PTPRZ1: variants seen among roughly 807,000 people sequenced by gnomAD.
PTPRZ1 encodes receptor-type tyrosine-protein phosphatase zeta.
PTPRZ1 carries 82 observed loss-of-function variants against 214.1 expected under a neutral mutation model. The observed-to-expected ratio is 0.38, with a 90% CI of 0.32 to 0.46. The LOEUF (loss-of-function observed/expected upper bound fraction) is 0.46, where lower values mean the gene tolerates loss of function less well. Among genes scored for constraint, PTPRZ1 ranks in the 20% least tolerant of loss-of-function variants. The pLI is 1.00. For missense variants in PTPRZ1, 2,603 were observed against 2,748.7 expected (o/e 0.95, Z 1.19); for synonymous variants, 945 against 987.9 (o/e 0.96, Z 0.81).
intron 1 of PTPRZ1, among the ~76,000 whole-genome samples, chr7:121,878,945 T>A (rs2116149928): frequency 6.6e-6 from 1 of 152,336 alleles, no homozygotes; most frequent in South Asian, 2.1e-4. Context: ...GGTCTTTCCC[T>A]CTTTTGATTA....
At chr7:121,928,267 G>T in intron 2 of PTPRZ1, 46 bp downstream of exon 2, 1 of 1,395,484 alleles carries the variant, frequency 7.2e-7, no homozygotes, top group Non-Finnish European at 9.9e-7. Flanking sequence ...AACTTTTATT[G>T]TTTTGTATCT....
intron 1 of PTPRZ1, among the ~76,000 whole-genome samples, chr7:121,912,943 C>G (rs947222200): frequency 1.3e-5 from 2 of 151,980 alleles, no homozygotes; most frequent in Admixed American, 1.3e-4. Flanking sequence ...GAACATTCCT[C>G]TAAGATTATA....
intron 1 of PTPRZ1, among the ~76,000 whole-genome samples, chr7:121,889,952 A>G (rs1254498510): frequency 6.6e-6 from 1 of 152,146 alleles, no homozygotes; most frequent in Non-Finnish European, 1.5e-5. Flanking sequence ...CACTAGCCAC[A>G]TACATTGTAC....
chr7:121,891,481 T>TA (rs1794616741), intron 1 of PTPRZ1, among the ~76,000 whole-genome samples: 1 of 126,696 alleles, frequency 7.9e-6, no homozygotes, highest in African/African-American at 3.1e-5. Flanking sequence ...TTTTTTTTTT[T>TA]AGTTTGATTT....
At chr7:122,000,963 C>T (rs1278425730) in intron 10 of PTPRZ1, among the ~76,000 whole-genome samples, 4 of 151,938 alleles carry the variant, frequency 2.6e-5, no homozygotes, top group South Asian at 2.1e-4. Context: ...GGATCACAGG[C>T]GTGAGCCACC....
At chr7:121,924,900 A>C (rs964583569) in intron 1 of PTPRZ1, among the ~76,000 whole-genome samples, 10 of 152,194 alleles carry the variant, frequency 6.6e-5, no homozygotes, top group African/African-American at 2.2e-4. Flanking sequence ...AATTCTTTAT[A>C]ATTTATTTGT....
At chr7:121,976,628 C>T (rs1346440594) in intron 5 of PTPRZ1, among the ~76,000 whole-genome samples, 157 bp from the exon 6 acceptor site, 1 of 151,848 alleles carries the variant, frequency 6.6e-6, no homozygotes, top group Non-Finnish European at 1.5e-5. Flanking sequence ...TTTTTGTTTG[C>T]TTTATTTGTT....
chr7:121,989,537 G>A lies in PTPRZ1; in HGVS notation c.928+5420G>A, dbSNP rs558730976. 2.4e-4 allele frequency among the ~76,000 whole-genome samples: 37 copies of A among 152,196 alleles called. 1 individual carries two copies. The South Asian group carries it at 7.7e-3, about 32-fold the overall frequency. Reference sequence around the variant, plus strand: ...TTACTGGCATGCGCCACCACACCCAGCTAATTTTGTATTTTTAGTAGAGAC... The same window carrying A: ...TTACTGGCATGCGCCACCACACCCAACTAATTTTGTATTTTTAGTAGAGAC... On this transcript the variant is annotated intron_variant, in intron 8 of 29. Transcript: ENST00000393386.
At chr7:121,977,217 C>A (rs1253567893) in intron 6 of PTPRZ1, among the ~76,000 whole-genome samples, 1 of 152,060 alleles carries the variant, frequency 6.6e-6, no homozygotes, top group South Asian at 2.1e-4. Flanking sequence ...TTATAAATAT[C>A]ATATTTTAAA....
At chr7:121,907,485 C>A (rs908127812) in intron 1 of PTPRZ1, among the ~76,000 whole-genome samples, 3 of 151,874 alleles carry the variant, frequency 2.0e-5, no homozygotes, top group Admixed American at 2.0e-4. Flanking sequence ...TTATTATTTG[C>A]TGATAGTCCA....
At chr7:121,891,558 G>T (rs545742453) in intron 1 of PTPRZ1, among the ~76,000 whole-genome samples, 2 of 135,110 alleles carry the variant, frequency 1.5e-5, no homozygotes, top group Admixed American at 1.6e-4. Flanking sequence ...TATATAACTT[G>T]CATTGTCATT....
intron 8 of PTPRZ1, among the ~76,000 whole-genome samples, chr7:121,994,289 C>CTTTTTTTTTTTTTTTT (rs35332072): frequency 1.3e-5 from 1 of 75,346 alleles, no homozygotes; most frequent in African/African-American, 5.5e-5. Flanking sequence ...TAATGCATTT[C>CTTTTTTTTTTTTTTTT]TTTTTTTTTT....
At chr7:121,979,754 TGC>T (rs1391860576) in intron 6 of PTPRZ1, among the ~76,000 whole-genome samples, 1 of 152,242 alleles carries the variant, frequency 6.6e-6, no homozygotes, top group African/African-American at 2.4e-5. Context: ...GGCTCTGCTG[TGC>T]TTCTCTCTTG....
intron 1 of PTPRZ1, among the ~76,000 whole-genome samples, chr7:121,913,912 G>GA (rs1289013332): frequency 9.2e-5 from 14 of 152,040 alleles, no homozygotes; most frequent in Admixed American, 7.2e-4. Context: ...TAATTCCCGG[G>GA]AAAAAAACTG....
At chr7:122,041,116 A>C (rs1173405351) in intron 21 of PTPRZ1, 137 bp downstream of exon 21, 3 of 771,012 alleles carry the variant, frequency 3.9e-6, no homozygotes, top group South Asian at 4.1e-5. Context: ...TCATTTTCAT[A>C]AGTATTGATC....
intron 8 of PTPRZ1, among the ~76,000 whole-genome samples, chr7:121,990,512 CTTTTTTTTTTTTT>C (rs758696565): frequency 1.1e-4 from 8 of 73,468 alleles, no homozygotes; most frequent in Admixed American, 1.5e-4. Context: ...TGAAAACTGT[CTTTTTTTTTTTTT>C]TTTTTTTTTT....
chr7:121,995,525 T>C (rs978281378), intron 8 of PTPRZ1, among the ~76,000 whole-genome samples: 6 of 152,228 alleles, frequency 3.9e-5, no homozygotes, highest in South Asian at 2.1e-4. Flanking sequence ...GGGCACTCTC[T>C]GATGGGACTA....
chr7:121,908,416 TTC>T (rs1584626419), intron 1 of PTPRZ1: 1 of 381,730 alleles, frequency 2.6e-6, no homozygotes, highest in East Asian at 7.9e-5. Flanking sequence ...ATCCTATTTT[TTC>T]TCTTTCTTTT....
At chr7:122,051,838 G>A (rs781088763) in intron 24 of PTPRZ1, 28 bp from the exon 25 acceptor site, 8 of 1,593,660 alleles carry the variant, frequency 5.0e-6, no homozygotes, top group Non-Finnish European at 6.9e-6. Flanking sequence ...GTTTTGTTTT[G>A]TTTTACAATG....
Sources: gnomAD v4.1 joint callset for allele counts (sites outside exome capture counted in the v4.1 genomes callset) on GRCh38, gnomAD v4.1.1 for gene constraint, MANE v1.5 for transcripts, NCBI Gene and HGNC (gene_info 2026-07-23, HGNC 2026-07-21) for gene names.